Variants in GUCY1A2 observed in about 807,000 individuals in gnomAD.
The protein encoded by GUCY1A2 is guanylate cyclase soluble subunit alpha-2.
Under a neutral mutation model 63.5 loss-of-function variants are expected in GUCY1A2, and 27 were observed. The ratio of observed to expected loss-of-function variants is 0.43; its 90% CI spans 0.31 to 0.59. The LOEUF is 0.59. Ranked by LOEUF, GUCY1A2 falls within the 20% of genes least tolerant of loss-of-function variation. The pLI, the probability that GUCY1A2 is intolerant of heterozygous loss-of-function variation, is 0.11. For missense variants in GUCY1A2, 768 were observed against 913.3 expected (o/e 0.84, Z 2.05); for synonymous variants, 364 against 343.5 (o/e 1.06, Z -0.66).
At chr11:106,899,912 G>T (rs983853848) in intron 4 of GUCY1A2, among the ~76,000 whole-genome samples, 1 of 151,842 alleles carries the variant, frequency 6.6e-6, no homozygotes, top group African/African-American at 2.4e-5. Flanking sequence ...GTGAAATCCT[G>T]CCTCCACTTA....
intron 3 of GUCY1A2, among the ~76,000 whole-genome samples, chr11:106,940,819 AATAAT>A (rs1188586256): frequency 5.3e-5 from 8 of 152,130 alleles, no homozygotes; most frequent in African/African-American, 9.7e-5. Context: ...AGTTATCATA[AATAAT>A]ATATTTTTCT....
At chr11:106,962,388 TA>T (rs5794509) in intron 3 of GUCY1A2, among the ~76,000 whole-genome samples, 132,840 of 147,214 alleles carry the variant, frequency 0.9, 59,920 homozygotes, top group East Asian at 0.99. Flanking sequence ...CATCTCCACT[TA>T]AAAAAAAAAA....
intron 4 of GUCY1A2, among the ~76,000 whole-genome samples, chr11:106,866,868 T>C (rs1859601279): frequency 6.6e-6 from 1 of 152,048 alleles, no homozygotes. Context: ...ATGAATTATG[T>C]TGCCATTAGT....
At chr11:106,726,583 C>T (rs1348989640) in intron 6 of GUCY1A2, among the ~76,000 whole-genome samples, 1 of 152,052 alleles carries the variant, frequency 6.6e-6, no homozygotes, top group Admixed American at 6.6e-5. Context: ...GCAGGAAACA[C>T]TACAGGCTAA....
chr11:106,704,876 T>G (rs1159537708), intron 7 of GUCY1A2, among the ~76,000 whole-genome samples: 1 of 150,334 alleles, frequency 6.7e-6, no homozygotes. Flanking sequence ...TAAAGTAATA[T>G]TAGTATATAT....
At chr11:106,898,729 A>G (rs1191852275) in intron 4 of GUCY1A2, among the ~76,000 whole-genome samples, 1 of 152,198 alleles carries the variant, frequency 6.6e-6, no homozygotes, top group Non-Finnish European at 1.5e-5. Context: ...CAGAGCACAG[A>G]GGATTATTAT....
At chr11:106,804,261 T>G (rs1036967873) in intron 5 of GUCY1A2, among the ~76,000 whole-genome samples, 1 of 152,178 alleles carries the variant, frequency 6.6e-6, no homozygotes, top group Non-Finnish European at 1.5e-5. Context: ...GCAAATGATG[T>G]TGATGTTGAT....
chr11:106,850,564 TG>T (rs1300498790), intron 4 of GUCY1A2, among the ~76,000 whole-genome samples: 1 of 151,796 alleles, frequency 6.6e-6, no homozygotes, highest in South Asian at 2.1e-4. Context: ...AAGCTCAAAA[TG>T]TTTTTTTGGC....
intron 4 of GUCY1A2, among the ~76,000 whole-genome samples, chr11:106,867,711 T>A (rs1316525226): frequency 6.6e-6 from 1 of 152,020 alleles, no homozygotes; most frequent in Non-Finnish European, 1.5e-5. Flanking sequence ...AGTTAAAAAT[T>A]TCAAAATAAA....
intron 6 of GUCY1A2, among the ~76,000 whole-genome samples, chr11:106,740,846 C>T (rs1338427049): frequency 6.6e-6 from 1 of 151,920 alleles, no homozygotes; most frequent in African/African-American, 2.4e-5. Context: ...GCTAATTTTG[C>T]ACGTTTAGTA....
intron 1 of GUCY1A2, among the ~76,000 whole-genome samples, chr11:107,011,818 A>T (rs1448946427): frequency 6.6e-6 from 1 of 151,480 alleles, no homozygotes; most frequent in East Asian, 1.9e-4. Flanking sequence ...AAGCCTAGCA[A>T]TTGAACCAAT....
At chr11:106,902,785 T>G (rs1860152040) in intron 4 of GUCY1A2, among the ~76,000 whole-genome samples, 1 of 152,208 alleles carries the variant, frequency 6.6e-6, no homozygotes, top group South Asian at 2.1e-4. Flanking sequence ...AATACAACTA[T>G]TTCCGTAGCA....
intron 3 of GUCY1A2, among the ~76,000 whole-genome samples, chr11:106,951,408 TC>T (rs1220868243): frequency 6.6e-6 from 1 of 152,198 alleles, no homozygotes; most frequent in Non-Finnish European, 1.5e-5. Flanking sequence ...CATCTACTAT[TC>T]CCTGACTTTT....
At chr11:106,827,545 T>A in intron 4 of GUCY1A2, 1 of 1,466,092 alleles carries the variant, frequency 6.8e-7, no homozygotes, top group Non-Finnish European at 9.6e-7. Context: ...CAACTTTGGT[T>A]TAGCTCCAGC....
At chr11:106,794,362 T>C (rs967505468) in intron 5 of GUCY1A2, among the ~76,000 whole-genome samples, 1 of 152,056 alleles carries the variant, frequency 6.6e-6, no homozygotes, top group South Asian at 2.1e-4. Flanking sequence ...AATGGGAAGA[T>C]GTTAGTCAAA....
intron 4 of GUCY1A2, among the ~76,000 whole-genome samples, chr11:106,892,198 AT>A (rs1195733787): frequency 6.6e-6 from 1 of 152,046 alleles, no homozygotes; most frequent in Non-Finnish European, 1.5e-5. Flanking sequence ...AAAATTATTT[AT>A]TTATTGTTGC....
intron 1 of GUCY1A2, among the ~76,000 whole-genome samples, chr11:106,996,683 GC>G (rs1316260415): frequency 8.5e-5 from 13 of 152,184 alleles, no homozygotes; most frequent in Non-Finnish European, 1.9e-4. Flanking sequence ...CCAGTCAGTG[GC>G]TAAGAGACTG....
At chr11:106,847,515 T>G (rs1245806219) in intron 4 of GUCY1A2, among the ~76,000 whole-genome samples, 1 of 151,220 alleles carries the variant, frequency 6.6e-6, no homozygotes, top group Non-Finnish European at 1.5e-5. Context: ...TACTCCAAGA[T>G]GAGGCAAAAT....
intron 1 of GUCY1A2, among the ~76,000 whole-genome samples, chr11:107,006,918 T>G (rs1473034882): frequency 1.3e-5 from 2 of 152,220 alleles, no homozygotes; most frequent in Non-Finnish European, 2.9e-5. Flanking sequence ...GCATATGTGA[T>G]AGCTCACTTA....
Sources: gnomAD v4.1 joint callset for allele counts (sites outside exome capture counted in the v4.1 genomes callset) on GRCh38, gnomAD v4.1.1 for gene constraint, MANE v1.5 for transcripts, NCBI Gene and HGNC (gene_info 2026-07-23, HGNC 2026-07-21) for gene names.